Variants in DYNC1I1 observed in about 807,000 individuals in gnomAD.
DYNC1I1 encodes dynein cytoplasmic 1 intermediate chain 1.
Under a neutral mutation model 86.6 loss-of-function variants are expected in DYNC1I1, and 43 were observed. That is an observed-to-expected ratio of 0.50 (90% CI 0.39 to 0.64). The LOEUF (loss-of-function observed/expected upper bound fraction) is 0.64, where lower values mean the gene tolerates loss of function less well. Ranked by LOEUF, DYNC1I1 falls within the 30% of genes least tolerant of loss-of-function variation. DYNC1I1 has a pLI of 0.00. For synonymous variants in DYNC1I1, 262 were observed against 283.7 expected (o/e 0.92, Z 0.77); for missense variants, 604 against 788.8 (o/e 0.77, Z 2.81).
At chr7:95,936,522 T>A (rs1792044265) in intron 6 of DYNC1I1, among the ~76,000 whole-genome samples, 1 of 151,484 alleles carries the variant, frequency 6.6e-6, no homozygotes, top group African/African-American at 2.4e-5. Context: ...TTAAAAAGCA[T>A]ATACTGGAAA....
At chr7:96,039,984 A>C (rs1584270542) in intron 14 of DYNC1I1, among the ~76,000 whole-genome samples, 1 of 152,144 alleles carries the variant, frequency 6.6e-6, no homozygotes, top group African/African-American at 2.4e-5. Context: ...CTGTAATCCC[A>C]GCACTTTGGG....
chr7:95,854,029 G>A (rs922510277), intron 5 of DYNC1I1, among the ~76,000 whole-genome samples: 1 of 152,040 alleles, frequency 6.6e-6, no homozygotes, highest in Non-Finnish European at 1.5e-5. Context: ...TTCACTTTCA[G>A]TCTGTGTGTG....
chr7:95,870,361 T>G (rs188376900), intron 6 of DYNC1I1, among the ~76,000 whole-genome samples: 40 of 134,484 alleles, frequency 3.0e-4, no homozygotes, highest in African/African-American at 1.0e-3. Context: ...GATTCATCAT[T>G]TACATGGCTT....
chr7:96,083,811 TAAAAC>T (rs1226353341), intron 16 of DYNC1I1, among the ~76,000 whole-genome samples: 8 of 152,312 alleles, frequency 5.3e-5, no homozygotes, highest in Non-Finnish European at 1.0e-4. Flanking sequence ...TGGTCCCTAT[TAAAAC>T]GAAACTCATA....
chr7:95,899,039 T>C (rs925021360), intron 6 of DYNC1I1, among the ~76,000 whole-genome samples: 5 of 152,226 alleles, frequency 3.3e-5, no homozygotes, highest in African/African-American at 1.2e-4. Flanking sequence ...CTTTTTGATT[T>C]TTTTTCCAAG....
At chr7:96,077,992 T>C (rs1331661188) in intron 15 of DYNC1I1, among the ~76,000 whole-genome samples, 4 of 152,202 alleles carry the variant, frequency 2.6e-5, no homozygotes, top group Admixed American at 2.0e-4. Flanking sequence ...ACAATAATAG[T>C]AGAGATACAT....
intron 13 of DYNC1I1, among the ~76,000 whole-genome samples, chr7:96,037,112 C>T (rs1194888488): frequency 6.6e-6 from 1 of 152,110 alleles, no homozygotes; most frequent in Non-Finnish European, 1.5e-5. Context: ...TTTTTCCATT[C>T]AAACTATACA....
At chr7:95,832,045 G>T (rs549382957) in intron 5 of DYNC1I1, among the ~76,000 whole-genome samples, 2 of 149,592 alleles carry the variant, frequency 1.3e-5, no homozygotes, top group Non-Finnish European at 3.0e-5. Context: ...GTATACATGT[G>T]CCATGCTGGT....
chr7:96,011,679 T>C (rs1794278991), intron 10 of DYNC1I1, among the ~76,000 whole-genome samples: 1 of 152,192 alleles, frequency 6.6e-6, no homozygotes, highest in Non-Finnish European at 1.5e-5. Context: ...ACAACTCACA[T>C]AGAAAATTTC....
At chr7:95,976,444 T>A (rs1197567860) in intron 6 of DYNC1I1, among the ~76,000 whole-genome samples, 1 of 152,242 alleles carries the variant, frequency 6.6e-6, no homozygotes, top group Non-Finnish European at 1.5e-5. Context: ...AGTGTGCATT[T>A]ATAATGTATT....
intron 4 of DYNC1I1, among the ~76,000 whole-genome samples, chr7:95,814,223 A>G (rs1794898825): frequency 6.6e-6 from 1 of 152,188 alleles, no homozygotes; most frequent in Admixed American, 6.6e-5. Context: ...TTTCTTGAGA[A>G]GCTACAAATT....
intron 4 of DYNC1I1, among the ~76,000 whole-genome samples, chr7:95,827,169 A>C (rs1795219296): frequency 6.6e-6 from 1 of 152,198 alleles, no homozygotes; most frequent in Admixed American, 6.5e-5. Context: ...TCAATGTCAC[A>C]CAGCTGGTAA....
chr7:96,081,079 A>AAAAAAAAAAG (rs375715304), intron 16 of DYNC1I1, among the ~76,000 whole-genome samples: 39,170 of 128,828 alleles, frequency 0.3, 6,291 homozygotes, highest in African/African-American at 0.37. Context: ...AAAAAAAAAG[A>AAAAAAAAAAG]AAAAGAAAAG....
At chr7:96,017,121 G>A (rs1794421764) in intron 10 of DYNC1I1, among the ~76,000 whole-genome samples, 1 of 152,136 alleles carries the variant, frequency 6.6e-6, no homozygotes, top group South Asian at 2.1e-4. Context: ...TCTGTCTTGA[G>A]TAATCTGTTC....
chr7:95,865,797 A>G (rs1790002826), intron 5 of DYNC1I1, among the ~76,000 whole-genome samples: 1 of 152,216 alleles, frequency 6.6e-6, no homozygotes, highest in Admixed American at 6.5e-5. Flanking sequence ...CTAGACGTAT[A>G]GTAGGCCATA....
chr7:96,062,083 A>G lies in DYNC1I1; in HGVS notation c.1510-13974A>G, dbSNP rs1019821304. The stretch of plus-strand genomic sequence containing the variant: ...AGAGAGGGTGGAGCGGTCTGTTGAA[A>G]CATGATTTTTAGTTTTGCCCTTCGC... On this transcript the variant is annotated intron_variant, in intron 14 of 16. Transcript: ENST00000447467. Among the ~76,000 whole-genome samples the G allele has an allele frequency of 1.3e-5, 2 of 152,204 alleles. 1 individual carries two copies. Among genetic ancestry groups the G allele is most frequent in the Admixed American group, 1.3e-4 (2 of 15,282 alleles).
intron 6 of DYNC1I1, among the ~76,000 whole-genome samples, chr7:95,883,202 T>A (rs1288070324): frequency 6.6e-6 from 1 of 152,214 alleles, no homozygotes; most frequent in Non-Finnish European, 1.5e-5. Context: ...TAAATTTTAC[T>A]TTTTAAAAAG....
rs529496740 is a variant in DYNC1I1 at position 95,935,651 on chromosome 7, C to T, written c.491-41861C>T. Among the ~76,000 whole-genome samples, 11 of 152,006 alleles carry T rather than the reference C, an allele frequency of 7.2e-5. No homozygotes were observed. The South Asian group carries it at 1.5e-3, about 20-fold the overall frequency. On this transcript the variant is annotated intron_variant, in intron 6 of 16. Coordinates refer to ENST00000447467, the MANE Select transcript of DYNC1I1 (RefSeq NM_001135556.2). ...GCACAGCAAAGGAAACAATCAACAG[C>T]GTGAAAAAGCAACCTAAAGATTGAG...
At chr7:95,923,969 G>A (rs1791676694) in intron 6 of DYNC1I1, among the ~76,000 whole-genome samples, 1 of 152,056 alleles carries the variant, frequency 6.6e-6, no homozygotes, top group African/African-American at 2.4e-5. Context: ...CTTCATATTG[G>A]GCACCTCTTT....
Sources: allele counts gnomAD v4.1 joint callset (sites outside exome capture counted in the v4.1 genomes callset), GRCh38; gene constraint gnomAD v4.1.1; transcripts MANE v1.5; gene names NCBI Gene and HGNC (gene_info 2026-07-23, HGNC 2026-07-21).